The following C2CD2L variants were observed in gnomAD, a reference collection of about 807,000 sequenced individuals.
The protein encoded by C2CD2L is C2CD2 like, also known as phospholipid transfer protein C2CD2L.
In C2CD2L, 24 loss-of-function variants were observed where a neutral mutation model predicts 69.9. The observed-to-expected ratio is 0.34, with a 90% CI of 0.25 to 0.48. The LOEUF (loss-of-function observed/expected upper bound fraction) is 0.48. C2CD2L is among the 20% of genes least tolerant of loss of function. C2CD2L has a pLI of 0.99. For synonymous variants in C2CD2L, 367 were observed against 391.0 expected (o/e 0.94, Z 0.72); for missense variants, 811 against 941.5 (o/e 0.86, Z 1.81).
In C2CD2L at chr11:119,116,294, A is replaced by G; in HGVS notation, c.*38A>G. ...GAAAGGGCACGAGTTCTCTCAGCCC[A>G]TTCCCCACCTCCCCTTCCATACCCC... On this transcript the variant is annotated 3_prime_UTR_variant, in exon 14 of 14. Coordinates refer to ENST00000648610, the MANE Select transcript of C2CD2L (RefSeq NM_001290474.2). The G allele has an allele frequency of 6.8e-7, 1 of 1,479,822 alleles. No individual in the cohort carries two copies. Among genetic ancestry groups the G allele is most frequent in the South Asian group, 1.1e-5 (1 of 88,346 alleles). 91.7% of individuals were successfully genotyped at this position (1,479,822 alleles called of 1,614,324 possible). A position where few individuals can be genotyped will look rare whatever the true frequency, so the allele number is the denominator to read the frequency against.
chr11:119,113,742 G>A (rs1415621252), intron 11 of C2CD2L, 30 bp downstream of exon 11: 1 of 1,613,408 alleles, frequency 6.2e-7, no homozygotes, highest in South Asian at 1.1e-5. Flanking sequence ...CATGAGTGTG[G>A]GTTGGCCCTG....
chr11:119,103,455 G>T (rs1946541458), upstream of C2CD2L, among the ~76,000 whole-genome samples: 1 of 152,154 alleles, frequency 6.6e-6, no homozygotes, highest in Admixed American at 6.5e-5. Flanking sequence ...CCAGCACTTT[G>T]GTAGGCGAAG....
upstream of C2CD2L, among the ~76,000 whole-genome samples, chr11:119,102,861 T>C (rs961785959): frequency 2.1e-4 from 1 of 4,848 alleles, no homozygotes; most frequent in Non-Finnish European, 7.0e-4. Context: ...ATTCACCAGC[T>C]TTTTTTTTTT....
In C2CD2L at chr11:119,108,026, C is replaced by T; in HGVS notation, c.285C>T (p.Phe95=). The change falls in exon 1 of 14, where the codon TTC becomes TTT. Residue 95 remains phenylalanine (F), a synonymous_variant. Coordinates refer to ENST00000648610, the MANE Select transcript of C2CD2L (RefSeq NM_001290474.2). ...GCCTCCTGGCGTCACTCTTCGCCTT[C>T]AAGTCTTTCCGGGAGAACTGGCAGC... The part of the protein sequence containing the change: ...VRGLLASLFA[F]KSFRENWQRA... The T allele has an allele frequency of 6.3e-7, 1 of 1,599,592 alleles. No homozygotes were observed.
chr11:119,116,024 G>A (rs1320536376), intron 13 of C2CD2L, 21 bp from the exon 14 acceptor site: 2 of 1,610,480 alleles, frequency 1.2e-6, no homozygotes, highest in African/African-American at 2.7e-5. Context: ...CTCTGCCTCA[G>A]CTTCCCCTCT....
rs1946920699 is a variant in C2CD2L, at chr11:119,117,284, G to A, written c.*1028G>A. On this transcript the variant is annotated 3_prime_UTR_variant, in exon 14 of 14. Transcript: ENST00000648610. The stretch of plus-strand genomic sequence containing the variant: ...GGGAAGAAGGGGTGTGCAGAGAAAG[G>A]ATGGAAGAGACAGGAGGCTCTGGAG... The A allele has an allele frequency of 6.6e-6, 1 of 152,296 alleles. No homozygotes were observed. The highest frequency in any genetic ancestry group is 1.9e-4 in the East Asian group (1 of 5,206). The allele number at this position is 152,296 out of a possible 1,614,324, so 9.4% of individuals were successfully genotyped here. A position where few individuals can be genotyped will look rare whatever the true frequency, so the allele number is the denominator to read the frequency against.
intron 1 of C2CD2L, 111 bp downstream of exon 1, chr11:119,108,206 A>G (rs1053072128): frequency 3.1e-6 from 2 of 652,628 alleles, no homozygotes; most frequent in Non-Finnish European, 5.2e-6. Flanking sequence ...GGGGAACCCT[A>G]TGGCTTCTCT....
Position 119,107,908 on chromosome 11 carries a change from C to A in C2CD2L, c.167C>A (p.Pro56His). Reference sequence around the variant, plus strand: ...CCGGGACCCGCCTTAGCCGGGGAACCCGCGGGTTCCCTGCGGGAGCTGGGC... The same window carrying A: ...CCGGGACCCGCCTTAGCCGGGGAACACGCGGGTTCCCTGCGGGAGCTGGGC... ...RGPGPALAGEPAGSLRELGVW... is the reference protein window; with the variant it reads ...RGPGPALAGEHAGSLRELGVW... Residue 56 changes from proline to histidine, a missense_variant, in exon 1 of 14, where the codon CCC (proline) becomes CAC (histidine). Physicochemically the swap from Pro to His is moderately conservative, Grantham distance 77. Transcript: ENST00000648610. This position sits in a 1 kb window ranked among gnomAD's most constrained non-coding sequence, Gnocchi z 5.4. 2 of 1,526,960 alleles carry A rather than the reference C, an allele frequency of 1.3e-6. No individual in the cohort carries two copies. The highest frequency in any genetic ancestry group is 1.7e-6 in the Non-Finnish European group (2 of 1,143,536). 94.6% of individuals were successfully genotyped at this position (1,526,960 alleles called of 1,614,324 possible).
At chr11:119,106,929 A>G (rs1946602465), upstream of C2CD2L, 1 of 152,202 alleles carries the variant, frequency 6.6e-6, no homozygotes, top group African/African-American at 2.4e-5. Context: ...AGACACTTCT[A>G]TCTGGGAGGG....
At position 119,107,616 on chromosome 11, in the gene C2CD2L, G is replaced by A; in HGVS notation, c.-126G>A. 2.0e-6 allele frequency: 1 copy of A among 499,134 alleles called. No individual in the cohort carries two copies. Among genetic ancestry groups the A allele is most frequent in the Non-Finnish European group, 3.3e-6 (1 of 300,550 alleles). 30.9% of individuals were successfully genotyped at this position (499,134 alleles called of 1,614,324 possible). A position where few individuals can be genotyped will look rare whatever the true frequency, so the allele number is the denominator to read the frequency against. On this transcript the variant is annotated 5_prime_UTR_variant, in exon 1 of 14. Coordinates refer to ENST00000648610, the MANE Select transcript of C2CD2L (RefSeq NM_001290474.2). This position sits in a 1 kb window ranked among gnomAD's most constrained non-coding sequence, Gnocchi z 5.4. ...CTAGTCCTGGGCACTCAGCCGCGGA[G>A]AGCCCCCGACCCCGCGCGCCCAGCC...
chr11:119,116,219 A>C lies in C2CD2L; in HGVS notation c.2084A>C (p.Lys695Thr), dbSNP rs771929855. 6.2e-7 allele frequency: 1 copy of C among 1,614,152 alleles called. No homozygotes were observed. The highest frequency in any genetic ancestry group is 8.5e-7 in the Non-Finnish European group (1 of 1,180,014). Residue 695 changes from lysine to threonine, a missense_variant, in exon 14 of 14, where the codon AAA becomes ACA. Transcript: ENST00000648610. Reference protein sequence around the residue: ...RLIKRFSFKSKPKANGNPSPQ... With the variant: ...RLIKRFSFKSTPKANGNPSPQ... Reference sequence around the variant, plus strand: ...ATCAAGCGCTTTTCCTTCAAATCCAAACCCAAGGCCAATGGTAACCCCAGC... The same window carrying C: ...ATCAAGCGCTTTTCCTTCAAATCCACACCCAAGGCCAATGGTAACCCCAGC...
At chr11:119,104,198 G>C (rs1946550817), upstream of C2CD2L, among the ~76,000 whole-genome samples, 1 of 152,218 alleles carries the variant, frequency 6.6e-6, no homozygotes, top group African/African-American at 2.4e-5. Flanking sequence ...TGGGATCCCA[G>C]AGGAGGCAGC....
chr11:119,112,777 C>T lies in C2CD2L; in HGVS notation c.1290C>T (p.Thr430=). 1 of 1,614,096 alleles carries T rather than the reference C, an allele frequency of 6.2e-7. No homozygotes were observed. The highest frequency in any genetic ancestry group is 8.5e-7 in the Non-Finnish European group (1 of 1,179,956). Residue 430 remains threonine (T), a synonymous_variant, in exon 10 of 14, where the codon ACC becomes ACT. Coordinates refer to ENST00000648610, the MANE Select transcript of C2CD2L (RefSeq NM_001290474.2). ...CTCCACGCCCCAGCATCACACCTAC[C>T]AAGAAGATTGAGCTTGACCGGACCA... ...SSTPRPSITP[T]KKIELDRTIM...
At chr11:119,104,938 T>C (rs1310977201), upstream of C2CD2L, among the ~76,000 whole-genome samples, 1 of 152,196 alleles carries the variant, frequency 6.6e-6, no homozygotes, top group Non-Finnish European at 1.5e-5. Flanking sequence ...CCTCTTAGTC[T>C]AGAAAAAAGT....
chr11:119,111,348 C>T lies in C2CD2L; in HGVS notation c.884C>T (p.Ala295Val), dbSNP rs1338636214. The T allele has an allele frequency of 6.2e-7, 1 of 1,614,190 alleles. No individual in the cohort carries two copies. Among genetic ancestry groups the T allele is most frequent in the Non-Finnish European group, 8.5e-7 (1 of 1,180,004 alleles). ...PNRLFLRQLRASHLGNELEGT... is the reference protein window; with the variant it reads ...PNRLFLRQLRVSHLGNELEGT... ...CGGTTATTCCTACGGCAGCTTCGGG[C>T]ATCTCACTTGGGAAATGAGCTGGAA... The change falls in exon 6 of 14, where the codon GCA becomes GTA. Residue 295 changes from alanine to valine, a missense_variant. Ala to Val is a moderately conservative substitution (Grantham distance 64). Coordinates refer to ENST00000648610, the MANE Select transcript of C2CD2L (RefSeq NM_001290474.2).
At position 119,107,686 on chromosome 11, in the gene C2CD2L, C is replaced by A. The variant is rs981002612; in HGVS notation, c.-56C>A. 3 of 1,188,142 alleles carry A rather than the reference C, an allele frequency of 2.5e-6. No individual in the cohort carries two copies. In the African/African-American group the frequency reaches 4.9e-5, roughly 19 times the overall value. The allele number at this position is 1,188,142 out of a possible 1,614,324, so 73.6% of individuals were successfully genotyped here. On this transcript the variant is annotated 5_prime_UTR_variant, in exon 1 of 14. Transcript: ENST00000648610. This position sits in a 1 kb window ranked among gnomAD's most constrained non-coding sequence, Gnocchi z 5.4. ...CCCCGCGGCCCGCCCGGGCCATGCT[C>A]CCCCGGGGCAGCGGGTGAGCCCCAG...
rs1162957553 is a variant in C2CD2L, at chr11:119,111,559, C to T, written c.949C>T (p.Pro317Ser). 5.0e-6 allele frequency: 8 copies of T among 1,614,098 alleles called. No homozygotes were observed. Among genetic ancestry groups the T allele is most frequent in the Non-Finnish European group, 5.9e-6 (7 of 1,180,060 alleles). Residue 317 changes from proline to serine, a missense_variant, in exon 7 of 14, where the codon CCC (proline) becomes TCC (serine). Physicochemically the swap from Pro to Ser is moderately conservative, Grantham distance 74 (BLOSUM62 -1). Coordinates refer to ENST00000648610, the MANE Select transcript of C2CD2L (RefSeq NM_001290474.2). The part of the protein sequence containing the change: ...ELCCVAELDN[P>S]MQQKWTKPAR... ...GTGCTGTGTAGCTGAACTCGACAAC[C>T]CCATGCAGCAGAAGTGGACCAAGCC...
chr11:119,113,033 T>C, intron 10 of C2CD2L, 159 bp downstream of exon 10: 3 of 650,524 alleles, frequency 4.6e-6, no homozygotes, highest in Non-Finnish European at 2.6e-6. Flanking sequence ...TCTTTGTCTC[T>C]TCCAAACTTT....
chr11:119,115,792 A>C, intron 13 of C2CD2L: 2 of 587,666 alleles, frequency 3.4e-6, no homozygotes, highest in Middle Eastern at 4.5e-4. Flanking sequence ...ACAGATCCCC[A>C]CAAGTACCAC....
Sources: allele counts gnomAD v4.1 joint callset (sites outside exome capture counted in the v4.1 genomes callset), GRCh38; gene constraint gnomAD v4.1.1; non-coding constraint Gnocchi (gnomAD v3.1); transcripts MANE v1.5; gene names NCBI Gene and HGNC (gene_info 2026-07-23, HGNC 2026-07-21).